Variants in MBOAT1 observed in about 807,000 individuals in gnomAD.
The protein encoded by MBOAT1 is membrane-bound glycerophospholipid O-acyltransferase 1.
Under a neutral mutation model 64.4 loss-of-function variants are expected in MBOAT1, and 67 were observed. The ratio of observed to expected loss-of-function variants is 1.04; its 90% confidence interval spans 0.85 to 1.27. The LOEUF (loss-of-function observed/expected upper bound fraction) is 1.27, where lower values mean the gene tolerates loss of function less well. MBOAT1 is among the 50% of genes most tolerant of loss of function. The pLI is 0.00. For synonymous variants in MBOAT1, 229 were observed against 218.9 expected (o/e 1.05, Z -0.41); for missense variants, 563 against 604.6 (o/e 0.93, Z 0.72).
At chr6:20,143,616 T>A (rs1392986503) in intron 4 of MBOAT1, among the ~76,000 whole-genome samples, 1 of 152,086 alleles carries the variant, frequency 6.6e-6, no homozygotes, top group Admixed American at 6.5e-5. Flanking sequence ...GGTGGAGGAT[T>A]GGAGGAGGGA....
intron 1 of MBOAT1, among the ~76,000 whole-genome samples, chr6:20,179,362 G>A (rs771497862): frequency 1.9e-4 from 29 of 152,228 alleles, no homozygotes; most frequent in Non-Finnish European, 1.5e-5. Context: ...ATGTGTCCAT[G>A]TGTTCTCATC....
chr6:20,103,419 TTTTGTTTGTTTG>T (rs150927645), intron 12 of MBOAT1, among the ~76,000 whole-genome samples: 2 of 152,010 alleles, frequency 1.3e-5, no homozygotes, highest in Non-Finnish European at 2.9e-5. Context: ...TGTTTTGGTT[TTTTGTTTGTTTG>T]TTTGTTTGTT....
In MBOAT1 at chr6:20,102,367, T is replaced by A. The variant is rs369880062; in HGVS notation, c.1407A>T (p.Leu469=). The stretch of plus-strand genomic sequence containing the variant: ...GAGCTTGTGGTTTCATTGGCAGAAA[T>A]AGTATTATCAGGAGACTTATGATGT... The part of the protein sequence containing the change: ...YLHIISLLII[L]FLPMKPQAHT... Residue 469 remains leucine, a synonymous_variant, in exon 13 of 13, where the codon CTA becomes CTT. Coordinates refer to ENST00000324607, the MANE Select transcript of MBOAT1 (RefSeq NM_001080480.3). 20 of 1,612,670 alleles carry A rather than the reference T, an allele frequency of 1.2e-5. No homozygotes were observed. The highest frequency in any genetic ancestry group is 1.7e-5 in the Non-Finnish European group (20 of 1,178,854).
chr6:20,140,295 T>C (rs1581417336), intron 4 of MBOAT1, among the ~76,000 whole-genome samples: 1 of 152,208 alleles, frequency 6.6e-6, no homozygotes, highest in East Asian at 1.9e-4. Flanking sequence ...TTAGAGAAAC[T>C]ATTATCTCTC....
At chr6:20,126,440 G>C (rs1021125472) in intron 7 of MBOAT1, 77 bp downstream of exon 7, 6 of 1,226,440 alleles carry the variant, frequency 4.9e-6, no homozygotes, top group Non-Finnish European at 6.8e-6. Flanking sequence ...AAACTGTTTG[G>C]CTTCTTAATT....
intron 1 of MBOAT1, among the ~76,000 whole-genome samples, chr6:20,187,420 A>G (rs747742556): frequency 8.5e-5 from 13 of 152,260 alleles, no homozygotes; most frequent in Non-Finnish European, 1.0e-4. Context: ...TCCACATGCA[A>G]CTAATGCATA....
chr6:20,111,879 T>TACATATATAC (rs1581396161), intron 11 of MBOAT1, among the ~76,000 whole-genome samples: 4 of 76,168 alleles, frequency 5.3e-5, no homozygotes, highest in African/African-American at 8.7e-5. Context: ...CATATATATA[T>TACATATATAC]GTATATATAT....
chr6:20,138,105 G>A (rs970922349), intron 4 of MBOAT1, among the ~76,000 whole-genome samples: 5 of 152,126 alleles, frequency 3.3e-5, no homozygotes, highest in East Asian at 1.9e-4. Flanking sequence ...TACTCTCCAT[G>A]GATGTTAACT....
At chr6:20,115,846 T>C (rs1023032948) in intron 9 of MBOAT1, among the ~76,000 whole-genome samples, 1 of 152,120 alleles carries the variant, frequency 6.6e-6, no homozygotes, top group Admixed American at 6.5e-5. Context: ...ATGTTTCCAA[T>C]TGTTTCTGGA....
intron 5 of MBOAT1, among the ~76,000 whole-genome samples, chr6:20,129,816 G>C (rs1432543180): frequency 6.6e-6 from 1 of 152,160 alleles, no homozygotes; most frequent in Non-Finnish European, 1.5e-5. Flanking sequence ...GGACTTTCCA[G>C]CTACAAATAG....
At chr6:20,113,536 T>A (rs1760235009) in intron 10 of MBOAT1, among the ~76,000 whole-genome samples, 1 of 152,218 alleles carries the variant, frequency 6.6e-6, no homozygotes, top group African/African-American at 2.4e-5. Context: ...TGGCAATGAC[T>A]CCATCACAAA....
At position 20,113,158 on chromosome 6, in the gene MBOAT1, T is replaced by A. The variant is rs1760224091; in HGVS notation, c.1077-150A>T. On this transcript the variant is annotated intron_variant, in intron 10 of 12. Coordinates refer to ENST00000324607, the MANE Select transcript of MBOAT1 (RefSeq NM_001080480.3). ...CCGTCTTCGGGGACTTGCAGTGCAATCCAAGCAGCCTGGACTACCCTGGTT... is the reference window on the plus strand; with the variant it reads ...CCGTCTTCGGGGACTTGCAGTGCAAACCAAGCAGCCTGGACTACCCTGGTT... The A allele has an allele frequency of 2.3e-5, 21 of 931,622 alleles. No homozygotes were observed. The South Asian group carries it at 3.8e-4, about 17-fold the overall frequency. The allele number at this position is 931,622 out of a possible 1,614,324, so 57.7% of individuals were successfully genotyped here. A position where few individuals can be genotyped will look rare whatever the true frequency, so the allele number is the denominator to read the frequency against.
At position 20,212,301 on chromosome 6, in the gene MBOAT1, C is replaced by G; in HGVS notation, c.-67G>C. On this transcript the variant is annotated 5_prime_UTR_variant, in exon 1 of 13. Transcript: ENST00000324607. ...ACACCCCCTGCTCGGCGTCCTCCCG[C>G]CCGGGTGCTCTTGGGTGGTTGCCCC... 6.8e-7 allele frequency: 1 copy of G among 1,471,360 alleles called. No homozygotes were observed. The highest frequency in any genetic ancestry group is 1.2e-5 in the South Asian group (1 of 83,494). 91.1% of individuals were successfully genotyped at this position (1,471,360 alleles called of 1,614,324 possible). A position where few individuals can be genotyped will look rare whatever the true frequency, so the allele number is the denominator to read the frequency against.
chr6:20,143,970 C>T (rs1374535023), intron 4 of MBOAT1, among the ~76,000 whole-genome samples: 1 of 152,190 alleles, frequency 6.6e-6, no homozygotes, highest in African/African-American at 2.4e-5. Context: ...TCCAATATAA[C>T]TGTACAAAGA....
intron 6 of MBOAT1, among the ~76,000 whole-genome samples, chr6:20,127,863 T>C (rs1760707623): frequency 6.6e-6 from 1 of 152,096 alleles, no homozygotes; most frequent in South Asian, 2.1e-4. Context: ...GGAAAAACTG[T>C]CTTCCACTAA....
chr6:20,185,813 A>G (rs1762635529), intron 1 of MBOAT1, among the ~76,000 whole-genome samples: 1 of 152,220 alleles, frequency 6.6e-6, no homozygotes, highest in African/African-American at 2.4e-5. Context: ...TTAACAGATG[A>G]AAAGACTAAA....
intron 1 of MBOAT1, among the ~76,000 whole-genome samples, chr6:20,196,870 AAAAC>A (rs1181358170): frequency 4.6e-5 from 7 of 150,848 alleles, no homozygotes; most frequent in African/African-American, 9.8e-5. Flanking sequence ...CTCAAAAAAA[AAAAC>A]AAACAAACAA....
chr6:20,192,123 A>G (rs964346631), intron 1 of MBOAT1, among the ~76,000 whole-genome samples: 1 of 152,174 alleles, frequency 6.6e-6, no homozygotes, highest in Non-Finnish European at 1.5e-5. Flanking sequence ...TCCACTGATA[A>G]GAACTAACGT....
At position 20,118,315 on chromosome 6, in the gene MBOAT1, G is replaced by C. The variant is rs1760388987; in HGVS notation, c.1011+122C>G. ...AAATGTCCAGTAGGCTGCTGAGCCT[G>C]GCAATTCCCTGAGAGCAGCTTTTCT... is the stretch of plus-strand genomic sequence containing the variant. On this transcript the variant is annotated intron_variant, in intron 9 of 12. Transcript: ENST00000324607. 3 of 749,894 alleles carry C rather than the reference G, an allele frequency of 4.0e-6. No individual in the cohort carries two copies. In the African/African-American group the frequency reaches 5.3e-5, roughly 13 times the overall value. 46.5% of individuals were successfully genotyped at this position (749,894 alleles called of 1,614,324 possible). A position where few individuals can be genotyped will look rare whatever the true frequency, so the allele number is the denominator to read the frequency against.
Sources: allele counts gnomAD v4.1 joint callset (sites outside exome capture counted in the v4.1 genomes callset), GRCh38; gene constraint gnomAD v4.1.1; transcripts MANE v1.5; gene names NCBI Gene and HGNC (gene_info 2026-07-23, HGNC 2026-07-21).